The following ATL1 variants were observed in gnomAD, a reference collection of about 807,000 sequenced individuals.
ATL1 encodes the protein atlastin-1.
Under a neutral mutation model 75.5 loss-of-function variants are expected in ATL1, and 31 were observed. The ratio of observed to expected loss-of-function variants is 0.41; its 90% confidence interval spans 0.31 to 0.55. The LOEUF (loss-of-function observed/expected upper bound fraction) is 0.55, where lower values mean the gene tolerates loss of function less well. Ranked by LOEUF, ATL1 falls within the 20% of genes least tolerant of loss-of-function variation. The pLI is 0.27. For missense variants in ATL1, 405 were observed against 662.6 expected (o/e 0.61, Z 4.27); for synonymous variants, 226 against 233.3 (o/e 0.97, Z 0.28).
At chr14:50,572,091 A>G in intron 1 of ATL1, 1 of 519,414 alleles carries the variant, frequency 1.9e-6, no homozygotes, top group Middle Eastern at 5.7e-4. Context: ...TTTCAGTTAT[A>G]ACTTCTTGTC....
chr14:50,615,357 A>G (rs919217083), intron 8 of ATL1, among the ~76,000 whole-genome samples: 13 of 152,224 alleles, frequency 8.5e-5, no homozygotes. Flanking sequence ...GCTTTTCAGC[A>G]CAATTGTTGT....
chr14:50,607,879 A>G (rs2039329725), intron 6 of ATL1, among the ~76,000 whole-genome samples: 1 of 152,090 alleles, frequency 6.6e-6, no homozygotes, highest in Non-Finnish European at 1.5e-5. Context: ...ATATTAATGC[A>G]CCATAGTTTA....
downstream of ATL1, chr14:50,633,056 C>G (rs914288772): frequency 1.3e-5 from 2 of 152,112 alleles, no homozygotes; most frequent in Non-Finnish European, 2.9e-5. Flanking sequence ...CAAATGCTTA[C>G]TGAATTTGAA....
intron 9 of ATL1, 109 bp downstream of exon 9, chr14:50,620,835 G>A: frequency 1.5e-6 from 2 of 1,292,130 alleles, no homozygotes; most frequent in Non-Finnish European, 1.1e-6. Context: ...AAAGGTACGA[G>A]GAATCTATAA....
chr14:50,584,499 C>A (rs1312238857), intron 1 of ATL1, among the ~76,000 whole-genome samples: 9 of 152,022 alleles, frequency 5.9e-5, no homozygotes, highest in Non-Finnish European at 1.2e-4. Flanking sequence ...GTCAGGAGAT[C>A]GAGACCATCC....
At chr14:50,582,924 G>A (rs1393559824) in intron 1 of ATL1, among the ~76,000 whole-genome samples, 3 of 152,108 alleles carry the variant, frequency 2.0e-5, no homozygotes, top group Non-Finnish European at 4.4e-5. Context: ...TATATTATTT[G>A]CTACACTGAT....
At chr14:50,581,361 T>G (rs144329490) in intron 1 of ATL1, among the ~76,000 whole-genome samples, 90 of 152,084 alleles carry the variant, frequency 5.9e-4, no homozygotes, top group African/African-American at 2.1e-3. Flanking sequence ...TGATTCAATA[T>G]TTATATGAAA....
chr14:50,620,544 C>T, intron 8 of ATL1, 55 bp from the exon 9 acceptor site: 2 of 1,563,102 alleles, frequency 1.3e-6, no homozygotes, highest in Non-Finnish European at 1.8e-6. Flanking sequence ...TATTCTGTGG[C>T]ATGGAGGACT....
chr14:50,552,301 A>G (rs1402910992), intron 1 of ATL1, among the ~76,000 whole-genome samples: 4 of 152,198 alleles, frequency 2.6e-5, no homozygotes, highest in East Asian at 1.9e-4. Context: ...ACTTAGGAAT[A>G]TGCTTAACCA....
chr14:50,594,012 A>G (rs1433305407), intron 5 of ATL1, 116 bp downstream of exon 5: 3 of 813,404 alleles, frequency 3.7e-6, no homozygotes, highest in Non-Finnish European at 6.1e-6. Flanking sequence ...TTTAAACAGG[A>G]ACTATTGGCC....
chr14:50,568,588 C>A (rs1419463769), intron 1 of ATL1, among the ~76,000 whole-genome samples: 1 of 152,136 alleles, frequency 6.6e-6, no homozygotes, highest in East Asian at 1.9e-4. Flanking sequence ...CTCTTATAGA[C>A]AGCATAGAGT....
intron 11 of ATL1, among the ~76,000 whole-genome samples, chr14:50,627,696 G>A (rs192693915): frequency 6.6e-6 from 1 of 152,280 alleles, no homozygotes; most frequent in East Asian, 1.9e-4. Context: ...AGTTTTCTTA[G>A]ATTTGGATTC....
At chr14:50,543,939 T>G (rs2038596596) in intron 1 of ATL1, among the ~76,000 whole-genome samples, 6 of 152,214 alleles carry the variant, frequency 3.9e-5, no homozygotes, top group Admixed American at 3.3e-4. Context: ...AAGCTGAAAC[T>G]GCCATCTGGC....
chr14:50,537,883 G>A (rs915889530), intron 1 of ATL1, among the ~76,000 whole-genome samples: 7 of 152,176 alleles, frequency 4.6e-5, no homozygotes, highest in African/African-American at 1.7e-4. Context: ...GCTCATTGGT[G>A]GAAGGGACTT....
rs141413526 is a variant in ATL1, at chr14:50,631,505, C to G, written c.1567-724C>G. 5.6e-3 allele frequency among the ~76,000 whole-genome samples: 848 copies of G among 152,220 alleles called. 5 individuals are homozygous for G. Among genetic ancestry groups the G allele is most frequent in the Middle Eastern group, 0.01 (3 of 294 alleles). On this transcript the variant is annotated intron_variant, in intron 13 of 13. Coordinates refer to ENST00000358385, the MANE Select transcript of ATL1 (RefSeq NM_015915.5). ...TCAGAGGAGGGGATGAAATCTTAGA[C>G]ACTAGCTAACGGGGCCAGGAAACAA...
At chr14:50,624,725 T>C (rs8012530) in intron 11 of ATL1, among the ~76,000 whole-genome samples, 76,060 of 151,684 alleles carry the variant, frequency 0.5, 20,402 homozygotes, top group East Asian at 0.75. Flanking sequence ...TTGCACCAAT[T>C]AGTTAGCCAG....
At chr14:50,570,585 T>C (rs563438176) in intron 1 of ATL1, among the ~76,000 whole-genome samples, 34 of 152,308 alleles carry the variant, frequency 2.2e-4, no homozygotes, top group Middle Eastern at 6.8e-3. Context: ...GTCTTTTTAC[T>C]GAAATTTGTA....
At chr14:50,556,159 G>T (rs1177036818), upstream of ATL1, among the ~76,000 whole-genome samples, 1 of 152,090 alleles carries the variant, frequency 6.6e-6, no homozygotes, top group Non-Finnish European at 1.5e-5. Context: ...AAAAACATTT[G>T]TATTTTAAAA....
At chr14:50,630,364 T>C (rs2039568299) in intron 13 of ATL1, among the ~76,000 whole-genome samples, 1 of 152,240 alleles carries the variant, frequency 6.6e-6, no homozygotes, top group East Asian at 1.9e-4. Flanking sequence ...ATGTAACTAC[T>C]GGAGGGTATT....
Sources: gnomAD v4.1 joint callset for allele counts (sites outside exome capture counted in the v4.1 genomes callset) on GRCh38, gnomAD v4.1.1 for gene constraint, MANE v1.5 for transcripts, NCBI Gene and HGNC (gene_info 2026-07-23, HGNC 2026-07-21) for gene names.